MAD1L1: variants seen among roughly 807,000 people sequenced by gnomAD.
MAD1L1 encodes the protein mitotic arrest deficient 1 like 1, also known as mitotic spindle assembly checkpoint protein MAD1.
MAD1L1 carries 95 observed loss-of-function variants against 96.9 expected under a neutral mutation model. That is an observed-to-expected ratio of 0.98 (90% CI 0.83 to 1.16). MAD1L1 has a LOEUF of 1.16. MAD1L1 is among the 50% of genes most tolerant of loss of function. The pLI, the probability that MAD1L1 is intolerant of heterozygous loss-of-function variation, is 0.00. For synonymous variants in MAD1L1, 473 were observed against 396.6 expected (o/e 1.19, Z -2.29); for missense variants, 1,007 against 954.4 (o/e 1.06, Z -0.73).
intron 11 of MAD1L1, among the ~76,000 whole-genome samples, chr7:2,102,288 G>A (rs1460682824): frequency 1.5e-4 from 21 of 137,202 alleles, no homozygotes; most frequent in African/African-American, 5.3e-4. Context: ...CACCACCACC[G>A]CCACTGTCAC....
At chr7:1,944,071 A>C (rs1051587270) in intron 16 of MAD1L1, among the ~76,000 whole-genome samples, 2 of 152,092 alleles carry the variant, frequency 1.3e-5, no homozygotes, top group African/African-American at 2.4e-5. Flanking sequence ...CTCCCTTCCC[A>C]GGAAATGCTG....
intron 10 of MAD1L1, among the ~76,000 whole-genome samples, chr7:2,185,429 A>G (rs1028446385): frequency 6.6e-6 from 1 of 152,224 alleles, no homozygotes; most frequent in Non-Finnish European, 1.5e-5. Flanking sequence ...CAGTGATGAC[A>G]CAGGTGGTAC....
rs530097578 is a variant in MAD1L1 at position 1,965,187 on chromosome 7, G to C, written c.1506-7468C>G. ...CCAGAGAGGCTGGCGAGTGGGGTAC[G>C]TAGGACCCCCAGCCCTGGAGATGGT... On this transcript the variant is annotated intron_variant, in intron 15 of 18. Coordinates refer to ENST00000265854, the MANE Select transcript of MAD1L1 (RefSeq NM_001013836.2). Among the ~76,000 whole-genome samples the C allele has an allele frequency of 4.3e-4, 66 of 152,332 alleles. 1 individual carries two copies. In the South Asian group the frequency reaches 0.013, roughly 31 times the overall value.
rs139093870 is a variant in MAD1L1 at position 2,065,272 on chromosome 7, T to C, written c.1218+3922A>G. The stretch of plus-strand genomic sequence containing the variant: ...TCTCCTGGATGGATCTGGCCTAAAC[T>C]GCACCCAGCGAATACAGACACCAGC... On this transcript the variant is annotated intron_variant, in intron 12 of 18. Transcript: ENST00000265854. Among the ~76,000 whole-genome samples the C allele has an allele frequency of 1.7e-3, 254 of 152,288 alleles. 2 individuals carry two copies. Among genetic ancestry groups the C allele is most frequent in the African/African-American group, 5.8e-3 (240 of 41,560 alleles).
chr7:1,950,087 T>C (rs199544967), intron 16 of MAD1L1, among the ~76,000 whole-genome samples: 1 of 36,008 alleles, frequency 2.8e-5, no homozygotes, highest in African/African-American at 4.4e-5. Flanking sequence ...AGACGATCTC[T>C]AGACAAAGGA....
At chr7:2,132,184 G>C (rs1043065785) in intron 11 of MAD1L1, among the ~76,000 whole-genome samples, 4 of 152,102 alleles carry the variant, frequency 2.6e-5, no homozygotes, top group Non-Finnish European at 4.4e-5. Flanking sequence ...GCAATTATAG[G>C]TTTACAGGAA....
At chr7:2,124,283 G>A (rs1041919761) in intron 11 of MAD1L1, among the ~76,000 whole-genome samples, 3 of 152,182 alleles carry the variant, frequency 2.0e-5, no homozygotes, top group Admixed American at 6.5e-5. Context: ...AGACTCCAGG[G>A]GCACGAGGGC....
intron 11 of MAD1L1, among the ~76,000 whole-genome samples, chr7:2,105,944 A>C (rs1457634393): frequency 6.7e-6 from 1 of 150,288 alleles, no homozygotes; most frequent in Non-Finnish European, 1.5e-5. Flanking sequence ...CTGCGGCCCC[A>C]CAACCAAAGG....
intron 12 of MAD1L1, among the ~76,000 whole-genome samples, chr7:2,033,225 C>T (rs1783311663): frequency 6.6e-6 from 1 of 152,250 alleles, no homozygotes; most frequent in Non-Finnish European, 1.5e-5. Flanking sequence ...CCGGGTGCTG[C>T]AGGTGTGAGT....
intron 17 of MAD1L1, among the ~76,000 whole-genome samples, chr7:1,921,287 T>C (rs1346663296): frequency 6.6e-6 from 1 of 152,132 alleles, no homozygotes; most frequent in African/African-American, 2.4e-5. Context: ...AATAAAACCT[T>C]GATACCTTTT....
chr7:2,028,342 G>A (rs897475630), intron 12 of MAD1L1, among the ~76,000 whole-genome samples: 5 of 150,246 alleles, frequency 3.3e-5, no homozygotes, highest in African/African-American at 4.9e-5. Context: ...AGAGAATGGC[G>A]CGAACCCAGG....
chr7:2,133,413 G>A (rs1788608719), intron 11 of MAD1L1, among the ~76,000 whole-genome samples: 1 of 152,260 alleles, frequency 6.6e-6, no homozygotes. Flanking sequence ...TTACCACTGA[G>A]TTTGAAGAGT....
At chr7:2,050,391 G>A (rs1270656565) in intron 12 of MAD1L1, among the ~76,000 whole-genome samples, 2 of 151,904 alleles carry the variant, frequency 1.3e-5, no homozygotes, top group Admixed American at 1.3e-4. Flanking sequence ...ACACCCACAC[G>A]GGCAGACGGA....
intron 12 of MAD1L1, among the ~76,000 whole-genome samples, chr7:2,041,848 T>C (rs939306963): frequency 1.3e-5 from 2 of 152,042 alleles, no homozygotes; most frequent in African/African-American, 4.8e-5. Context: ...GGAGGGATAC[T>C]GAACACAAAA....
rs546866213 is a variant in MAD1L1, at chr7:2,138,506, C to T, written c.1073+10646G>A. On this transcript the variant is annotated intron_variant, in intron 11 of 18. Transcript: ENST00000265854. ...GATCCTACTGACAAAACGGAAGGAA[C>T]CACATCAAGAGGTGGGGATTGGGGG... 3.1e-4 allele frequency among the ~76,000 whole-genome samples: 47 copies of T among 152,342 alleles called. No individual in the cohort carries two copies. In the South Asian group the frequency reaches 9.3e-3, roughly 30 times the overall value.
At chr7:1,886,299 G>A (rs755185428) in intron 18 of MAD1L1, among the ~76,000 whole-genome samples, 8 of 152,216 alleles carry the variant, frequency 5.3e-5, no homozygotes, top group Admixed American at 4.6e-4. Context: ...ATGGTGGGCT[G>A]GCAGATATGC....
chr7:2,213,050 G>A (rs1420752000), intron 10 of MAD1L1, among the ~76,000 whole-genome samples, 162 bp downstream of exon 10: 3 of 152,224 alleles, frequency 2.0e-5, no homozygotes, highest in Admixed American at 2.0e-4. Flanking sequence ...CCCATCCGCT[G>A]GGAAAGGCCT....
chr7:1,972,455 G>A (rs886683756), intron 15 of MAD1L1, among the ~76,000 whole-genome samples: 28 of 152,126 alleles, frequency 1.8e-4, no homozygotes, highest in African/African-American at 6.3e-4. Flanking sequence ...GAGTGAGTCC[G>A]CTGCTTCAAG....
At chr7:2,003,463 C>A (rs1781895381) in intron 13 of MAD1L1, among the ~76,000 whole-genome samples, 1 of 152,082 alleles carries the variant, frequency 6.6e-6, no homozygotes, top group Non-Finnish European at 1.5e-5. Flanking sequence ...CCCCCAAGCT[C>A]CCCTACAGGC....
Sources: allele counts gnomAD v4.1 joint callset (sites outside exome capture counted in the v4.1 genomes callset), GRCh38; gene constraint gnomAD v4.1.1; transcripts MANE v1.5; gene names NCBI Gene and HGNC (gene_info 2026-07-23, HGNC 2026-07-21).